FAM53C: variants seen among roughly 807,000 people sequenced by gnomAD.
FAM53C encodes protein FAM53C.
A neutral mutation model predicts 34.7 loss-of-function variants in FAM53C; 10 were observed. That is an observed-to-expected ratio of 0.29 (90% confidence interval 0.18 to 0.49). The LOEUF is 0.49. Among genes scored for constraint, FAM53C ranks in the 20% least tolerant of loss-of-function variants. The probability of loss-of-function intolerance (pLI) is 0.99; values close to 1 mark genes in which losing one functional copy is unlikely to be tolerated. For missense variants in FAM53C, 442 were observed against 515.3 expected (o/e 0.86, Z 1.38); for synonymous variants, 203 against 203.6 (o/e 1.00, Z 0.03).
intron 2 of FAM53C, 29 bp from the exon 3 acceptor site, chr5:138,341,780 A>G: frequency 6.2e-7 from 1 of 1,609,944 alleles, no homozygotes; most frequent in Non-Finnish European, 8.5e-7. Context: ...CCTGAATCCA[A>G]ATCATGATGG....
At chr5:138,338,370 C>G in intron 1 of FAM53C, 63 bp downstream of exon 1, 1 of 397,880 alleles carries the variant, frequency 2.5e-6, no homozygotes, top group South Asian at 1.7e-5. Context: ...GTCCCTCCCT[C>G]CTTCCCTCTT....
chr5:138,341,620 G>A (rs1313384094), intron 2 of FAM53C, 189 bp from the exon 3 acceptor site: 1 of 729,160 alleles, frequency 1.4e-6, no homozygotes, highest in Non-Finnish European at 2.4e-6. Context: ...CTTGGGTGGA[G>A]AAGGGTTTGA....
chr5:138,338,332 C>G (rs1760873281), intron 1 of FAM53C, 25 bp downstream of exon 1: 1 of 465,380 alleles, frequency 2.1e-6, no homozygotes. Context: ...GCAGGTGGCG[C>G]TGGGGCCTCG....
At chr5:138,338,673 G>T (rs989141252) in intron 1 of FAM53C, among the ~76,000 whole-genome samples, 3 of 149,976 alleles carry the variant, frequency 2.0e-5, no homozygotes, top group Non-Finnish European at 4.4e-5. Context: ...AGAGGTTGAA[G>T]ATTGGAGGGG....
upstream of FAM53C, chr5:138,337,866 T>C: frequency 1.4e-5 from 12 of 876,826 alleles, no homozygotes; most frequent in South Asian, 9.8e-5. Flanking sequence ...AGGGGCACTG[T>C]GGCTAATTGC....
chr5:138,348,415 T>C lies in FAM53C; in HGVS notation c.*1456T>C, dbSNP rs1243792674. ...CTGAAGCTGCCACCACAATAGCTTGTGAGGTTTTATCCAGCTGTGGTTAGA... is the reference window on the plus strand; with the variant it reads ...CTGAAGCTGCCACCACAATAGCTTGCGAGGTTTTATCCAGCTGTGGTTAGA... On this transcript the variant is annotated 3_prime_UTR_variant, in exon 5 of 5. Coordinates refer to ENST00000239906, the MANE Select transcript of FAM53C (RefSeq NM_016605.3). 6.6e-6 allele frequency: 1 copy of C among 152,258 alleles called. No individual in the cohort carries two copies. Among genetic ancestry groups the C allele is most frequent in the African/African-American group, 2.4e-5 (1 of 41,458 alleles). The allele number at this position is 152,258 out of a possible 1,614,324, so 9.4% of individuals were successfully genotyped here. A position where few individuals can be genotyped will look rare whatever the true frequency, so the allele number is the denominator to read the frequency against.
chr5:138,346,573 A>C lies in FAM53C; in HGVS notation c.922-129A>C, dbSNP rs886965294. On this transcript the variant is annotated intron_variant, in intron 4 of 4. Coordinates refer to ENST00000239906, the MANE Select transcript of FAM53C (RefSeq NM_016605.3). ...CGGGAGGCAGAGCTTGCAGTGAGCC[A>C]AGATCACGCCACTGCACTCCAGCCA... is the stretch of plus-strand genomic sequence containing the variant. The C allele has an allele frequency of 3.4e-6, 4 of 1,182,966 alleles. No homozygotes were observed. The South Asian group carries it at 6.1e-5, about 18-fold the overall frequency. The allele number at this position is 1,182,966 out of a possible 1,614,324, so 73.3% of individuals were successfully genotyped here. A position where few individuals can be genotyped will look rare whatever the true frequency, so the allele number is the denominator to read the frequency against.
chr5:138,340,167 T>A (rs568291329), intron 1 of FAM53C, among the ~76,000 whole-genome samples: 97 of 152,360 alleles, frequency 6.4e-4, no homozygotes, highest in Non-Finnish European at 1.2e-3. Flanking sequence ...GTTATATTGT[T>A]CCTGTGACAG....
intron 1 of FAM53C, 140 bp from the exon 2 acceptor site, chr5:138,341,043 CT>C (rs1761019301): frequency 2.1e-6 from 1 of 470,842 alleles, no homozygotes; most frequent in African/African-American, 2.0e-5. Context: ...TGTGTTTAGG[CT>C]TAGCTGGAAA....
intron 1 of FAM53C, among the ~76,000 whole-genome samples, chr5:138,340,316 A>G (rs1044256634): frequency 1.3e-5 from 2 of 152,242 alleles, no homozygotes; most frequent in African/African-American, 4.8e-5. Flanking sequence ...AATGCTACAC[A>G]CATTCTCTGG....
intron 1 of FAM53C, among the ~76,000 whole-genome samples, chr5:138,340,860 A>G (rs182559107): frequency 2.6e-5 from 4 of 152,322 alleles, no homozygotes; most frequent in Non-Finnish European, 4.4e-5. Context: ...GATGGAAATA[A>G]TCATTTGGGC....
At position 138,347,096 on chromosome 5, in the gene FAM53C, T is replaced by A. The variant is rs956341018; in HGVS notation, c.*137T>A. 7 of 1,234,450 alleles carry A rather than the reference T, an allele frequency of 5.7e-6. No individual in the cohort carries two copies. The highest frequency in any genetic ancestry group is 1.4e-5 in the South Asian group (1 of 71,256). The allele number at this position is 1,234,450 out of a possible 1,614,324, so 76.5% of individuals were successfully genotyped here. On this transcript the variant is annotated 3_prime_UTR_variant, in exon 5 of 5. Coordinates refer to ENST00000239906, the MANE Select transcript of FAM53C (RefSeq NM_016605.3). ...CTCCGACTCAGGGCAGCTGGAAATCTTCTCGCTCCAGCAAGCTCGACCATG... is the reference window on the plus strand; with the variant it reads ...CTCCGACTCAGGGCAGCTGGAAATCATCTCGCTCCAGCAAGCTCGACCATG...
At chr5:138,340,244 A>G (rs1760996103) in intron 1 of FAM53C, among the ~76,000 whole-genome samples, 1 of 152,232 alleles carries the variant, frequency 6.6e-6, no homozygotes, top group African/African-American at 2.4e-5. Flanking sequence ...ATGATTTGTC[A>G]AAACTCTTAG....
chr5:138,338,172 T>G (rs1168733450), upstream of FAM53C: 11 of 1,289,312 alleles, frequency 8.5e-6, no homozygotes, highest in Non-Finnish European at 1.1e-5. Flanking sequence ...CTTGGGGGGA[T>G]TCTGCGAGCC....
At chr5:138,344,749 C>T (rs1352593666) in intron 3 of FAM53C, 76 bp from the exon 4 acceptor site, 25 of 1,338,236 alleles carry the variant, frequency 1.9e-5, no homozygotes, top group Non-Finnish European at 2.4e-5. Context: ...ATGCTCCATA[C>T]ATTATGTGGC....
At chr5:138,338,182 C>T, upstream of FAM53C, 2 of 1,288,796 alleles carry the variant, frequency 1.6e-6, no homozygotes, top group African/African-American at 1.5e-5. Flanking sequence ...TTCTGCGAGC[C>T]GGAGCTGTCC....
At chr5:138,338,390 C>T (rs1199961533) in intron 1 of FAM53C, 83 bp downstream of exon 1, 5 of 364,214 alleles carry the variant, frequency 1.4e-5, no homozygotes, top group Admixed American at 1.2e-4. Context: ...TTCCCCTCCC[C>T]CAGCCCGACC....
At chr5:138,338,019 T>G, upstream of FAM53C, 1 of 1,289,710 alleles carries the variant, frequency 7.8e-7, no homozygotes, top group Non-Finnish European at 1.0e-6. Flanking sequence ...CCGTCCACTT[T>G]CTGCGATATT....
At chr5:138,338,061 AC>A (rs1385488232), upstream of FAM53C, 9 of 1,289,292 alleles carry the variant, frequency 7.0e-6, no homozygotes, top group African/African-American at 1.2e-4. Context: ...TGAGGAAACC[AC>A]CCCCATCCCT....
Sources: gnomAD v4.1 joint callset for allele counts (sites outside exome capture counted in the v4.1 genomes callset) on GRCh38, gnomAD v4.1.1 for gene constraint, MANE v1.5 for transcripts, NCBI Gene and HGNC (gene_info 2026-07-23, HGNC 2026-07-21) for gene names.